SSBP2: variants seen among roughly 807,000 people sequenced by gnomAD.
SSBP2 encodes single stranded DNA binding protein 2, also known as single-stranded DNA-binding protein 2.
In SSBP2, 17 loss-of-function variants were observed where a neutral mutation model predicts 61.8. The observed-to-expected ratio is 0.28, with a 90% CI of 0.19 to 0.41. The LOEUF (loss-of-function observed/expected upper bound fraction) is 0.41, where lower values mean the gene tolerates loss of function less well. Ranked by LOEUF, SSBP2 falls within the 10% of genes least tolerant of loss-of-function variation. SSBP2 has a pLI of 1.00. For synonymous variants in SSBP2, 139 were observed against 141.3 expected, an observed-to-expected ratio of 0.98 and a Z score of 0.12; for missense variants, 310 against 458.7, an observed-to-expected ratio of 0.68 and a Z score of 2.96.
chr5:81,562,847 T>C lies in SSBP2; in HGVS notation c.283-49130A>G, dbSNP rs536842887. Among the ~76,000 whole-genome samples, 4 of 151,962 alleles carry C rather than the reference T, an allele frequency of 2.6e-5. No homozygotes were observed. In the East Asian group the frequency reaches 7.8e-4, roughly 30 times the overall value. On this transcript the variant is annotated intron_variant, in intron 4 of 16. Transcript: ENST00000320672. ...TTTGGTGTAGAGCTAACAAAATATG[T>C]GCATGAGCTGTGTGCTGAAAATTAT...
At chr5:81,652,637 G>C (rs966345961) in intron 1 of SSBP2, among the ~76,000 whole-genome samples, 1 of 152,094 alleles carries the variant, frequency 6.6e-6, no homozygotes, top group African/African-American at 2.4e-5. Flanking sequence ...CAAAATTAAT[G>C]GTTCTCAGGC....
At chr5:81,693,001 G>A (rs1248042944) in intron 1 of SSBP2, among the ~76,000 whole-genome samples, 1 of 151,814 alleles carries the variant, frequency 6.6e-6, no homozygotes, top group Non-Finnish European at 1.5e-5. Context: ...GTCAGGAGAT[G>A]GAGACCATCC....
chr5:81,553,200 C>G (rs1203398829), intron 4 of SSBP2, among the ~76,000 whole-genome samples: 1 of 152,144 alleles, frequency 6.6e-6, no homozygotes, highest in Non-Finnish European at 1.5e-5. Context: ...GTAGAGCCAA[C>G]ACGAAATGTA....
At chr5:81,532,896 G>C (rs1580940064) in intron 4 of SSBP2, among the ~76,000 whole-genome samples, 3 of 151,762 alleles carry the variant, frequency 2.0e-5, no homozygotes, top group Non-Finnish European at 4.4e-5. Flanking sequence ...ATGAAACAAA[G>C]ATTATCAGAC....
At chr5:81,583,840 G>A (rs140907730) in intron 4 of SSBP2, among the ~76,000 whole-genome samples, 1 of 152,202 alleles carries the variant, frequency 6.6e-6, no homozygotes, top group African/African-American at 2.4e-5. Flanking sequence ...ATTCCAGAAA[G>A]GTGCATCCAT....
At chr5:81,484,597 C>T (rs1307784521) in intron 6 of SSBP2, among the ~76,000 whole-genome samples, 1 of 151,856 alleles carries the variant, frequency 6.6e-6, no homozygotes, top group Non-Finnish European at 1.5e-5. Flanking sequence ...ATAATGAGCT[C>T]CCAATAATAG....
At chr5:81,689,941 A>G (rs942895895) in intron 1 of SSBP2, among the ~76,000 whole-genome samples, 4 of 152,094 alleles carry the variant, frequency 2.6e-5, no homozygotes, top group Non-Finnish European at 5.9e-5. Context: ...GAAACAAAAA[A>G]TGTTTAAAAG....
rs534658346 is a variant in SSBP2 at position 81,540,254 on chromosome 5, A to G, written c.283-26537T>C. On this transcript the variant is annotated intron_variant, in intron 4 of 16. Coordinates refer to ENST00000320672, the MANE Select transcript of SSBP2 (RefSeq NM_012446.5). ...ATGATTTACAATCCTTTGGGTATAT[A>G]GCCAGTAATGGGATCGCTGGGACAA... 8.3e-4 allele frequency among the ~76,000 whole-genome samples: 126 copies of G among 152,314 alleles called. 1 individual carries two copies. The highest frequency in any genetic ancestry group is 2.9e-3 in the African/African-American group (121 of 41,568).
rs1347821083 is a variant in SSBP2, at chr5:81,433,588, T to C, written c.957+3842A>G. 3.7e-5 allele frequency among the ~76,000 whole-genome samples: 4 copies of C among 107,858 alleles called. No homozygotes were observed. The Admixed American group carries it at 3.8e-4, about 10-fold the overall frequency. 70.8% of individuals were successfully genotyped at this position (107,858 alleles called of 152,430 possible). On this transcript the variant is annotated intron_variant, in intron 15 of 16. Transcript: ENST00000320672. ...CTCCGCGAGAAACACCCAAGAATGA[T>C]CAATAAAAAAAAAAAAAAAAAGAAA...
At chr5:81,720,068 A>G (rs1174499044) in intron 1 of SSBP2, among the ~76,000 whole-genome samples, 1 of 152,154 alleles carries the variant, frequency 6.6e-6, no homozygotes, top group African/African-American at 2.4e-5. Flanking sequence ...GCAAGCCAGC[A>G]AGGCCCCAAG....
intron 1 of SSBP2, among the ~76,000 whole-genome samples, chr5:81,696,837 G>A (rs187289733): frequency 3.9e-4 from 59 of 152,226 alleles, no homozygotes; most frequent in African/African-American, 1.3e-3. Flanking sequence ...AAACTGCTAC[G>A]GAGCAGGAAC....
chr5:81,458,996 TG>T (rs1725965641), intron 10 of SSBP2, among the ~76,000 whole-genome samples: 1 of 152,198 alleles, frequency 6.6e-6, no homozygotes, highest in Non-Finnish European at 1.5e-5. Flanking sequence ...TAAGGGTAGA[TG>T]TTTGCACATT....
At chr5:81,522,003 T>C (rs1302132599) in intron 4 of SSBP2, among the ~76,000 whole-genome samples, 1 of 152,024 alleles carries the variant, frequency 6.6e-6, no homozygotes, top group Non-Finnish European at 1.5e-5. Context: ...GCTATAAAAA[T>C]ATTAATAAAT....
intron 16 of SSBP2, among the ~76,000 whole-genome samples, chr5:81,426,834 A>C (rs1761982466): frequency 6.6e-6 from 1 of 152,214 alleles, no homozygotes; most frequent in Middle Eastern, 3.2e-3. Flanking sequence ...CACTGCCCAT[A>C]AGTGAAAGTC....
chr5:81,556,148 A>G (rs1772579613), intron 4 of SSBP2, among the ~76,000 whole-genome samples: 1 of 152,034 alleles, frequency 6.6e-6, no homozygotes, highest in South Asian at 2.1e-4. Context: ...AATTACTATC[A>G]CCCCTGCAGA....
intron 6 of SSBP2, among the ~76,000 whole-genome samples, chr5:81,478,910 A>G (rs1446405825): frequency 1.3e-5 from 2 of 152,216 alleles, no homozygotes; most frequent in African/African-American, 4.8e-5. Flanking sequence ...TGTTTCTAGT[A>G]TATCTTTGAA....
chr5:81,521,453 CAG>C (rs1166189784), intron 4 of SSBP2, among the ~76,000 whole-genome samples: 1 of 151,894 alleles, frequency 6.6e-6, no homozygotes, highest in Non-Finnish European at 1.5e-5. Context: ...CTTAGTTTAA[CAG>C]AGAGTAAATG....
chr5:81,684,263 A>T (rs1752608659), intron 1 of SSBP2, among the ~76,000 whole-genome samples: 2 of 152,228 alleles, frequency 1.3e-5, no homozygotes, highest in Non-Finnish European at 2.9e-5. Context: ...ATATTATTCA[A>T]CACTAGAAAG....
chr5:81,651,638 A>T (rs1749738622), intron 1 of SSBP2, among the ~76,000 whole-genome samples: 1 of 152,048 alleles, frequency 6.6e-6, no homozygotes. Flanking sequence ...TCTTTTTCCT[A>T]CCCTAACACA....
Sources: allele counts gnomAD v4.1 joint callset (sites outside exome capture counted in the v4.1 genomes callset), GRCh38; gene constraint gnomAD v4.1.1; transcripts MANE v1.5; gene names NCBI Gene and HGNC (gene_info 2026-07-23, HGNC 2026-07-21).